The following NUBPL variants were observed in gnomAD, a reference collection of about 807,000 sequenced individuals.
NUBPL encodes NUBP iron-sulfur cluster assembly factor, mitochondrial.
In NUBPL, 31 loss-of-function variants were observed where a neutral mutation model predicts 45.7. The ratio of observed to expected loss-of-function variants is 0.68; its 90% CI spans 0.51 to 0.92. The LOEUF (loss-of-function observed/expected upper bound fraction) is 0.92, where lower values mean the gene tolerates loss of function less well. NUBPL is among the 40% of genes least tolerant of loss of function. The probability of loss-of-function intolerance (pLI) is 0.00; values close to 1 mark genes in which losing one functional copy is unlikely to be tolerated. For synonymous variants in NUBPL, 144 were observed against 140.9 expected (o/e 1.02, Z -0.15); for missense variants, 401 against 398.7 (o/e 1.01, Z -0.05).
Position 31,568,518 on chromosome 14 carries a change from A to G in NUBPL, c.291+3470A>G, listed in dbSNP as rs185864638. ...ATTCTCTGAATCATCAGAATTGTCT[A>G]TTTCAGAAAAATTGGATTCATCAAA... On this transcript the variant is annotated intron_variant, in intron 3 of 10. Coordinates refer to ENST00000281081, the MANE Select transcript of NUBPL (RefSeq NM_025152.3). Among the ~76,000 whole-genome samples, 169 of 152,358 alleles carry G rather than the reference A, an allele frequency of 1.1e-3. No individual in the cohort carries two copies. In the Middle Eastern group the frequency reaches 0.014, roughly 12 times the overall value.
chr14:31,741,191 T>A (rs2038275981), intron 6 of NUBPL, among the ~76,000 whole-genome samples: 1 of 152,186 alleles, frequency 6.6e-6, no homozygotes, highest in Non-Finnish European at 1.5e-5. Context: ...CCAGGCATGA[T>A]GTATGGGTAA....
At chr14:31,771,723 T>C (rs1157915534) in intron 6 of NUBPL, 1 of 174,008 alleles carries the variant, frequency 5.7e-6, no homozygotes, top group African/African-American at 2.4e-5. Flanking sequence ...GTATATACAG[T>C]ATATCTAATG....
At chr14:31,568,080 G>A (rs1000328695) in intron 3 of NUBPL, among the ~76,000 whole-genome samples, 2 of 152,120 alleles carry the variant, frequency 1.3e-5, no homozygotes, top group Admixed American at 1.3e-4. Context: ...TTAGGCAACC[G>A]TATTGAGATA....
At chr14:31,694,541 A>T (rs1309753763) in intron 6 of NUBPL, among the ~76,000 whole-genome samples, 1 of 152,172 alleles carries the variant, frequency 6.6e-6, no homozygotes, top group Non-Finnish European at 1.5e-5. Context: ...TTTATGATGG[A>T]GTATTGCTCT....
chr14:31,755,483 T>G (rs1410594970), intron 6 of NUBPL, among the ~76,000 whole-genome samples: 4 of 152,226 alleles, frequency 2.6e-5, no homozygotes, highest in African/African-American at 7.2e-5. Flanking sequence ...TTTTTTGGCT[T>G]CATAAATGTC....
intron 6 of NUBPL, among the ~76,000 whole-genome samples, chr14:31,745,044 T>TTTTTAA (rs138415624): frequency 7.3e-5 from 11 of 150,568 alleles, no homozygotes; most frequent in South Asian, 2.1e-4. Context: ...TTATTTCTTT[T>TTTTTAA]TTTTTATTTT....
chr14:31,580,238 G>C (rs770984238), intron 3 of NUBPL, among the ~76,000 whole-genome samples: 9 of 152,150 alleles, frequency 5.9e-5, no homozygotes, highest in Admixed American at 1.3e-4. Context: ...TTCTTAAGGA[G>C]TTTAAGTGTA....
intron 3 of NUBPL, among the ~76,000 whole-genome samples, chr14:31,598,307 A>G (rs1446273752): frequency 2.6e-5 from 4 of 152,240 alleles, no homozygotes. Flanking sequence ...GGTAGGTAAC[A>G]TCGAAGATGA....
At chr14:31,848,381 G>A (rs1311551258) in intron 9 of NUBPL, among the ~76,000 whole-genome samples, 1 of 152,220 alleles carries the variant, frequency 6.6e-6, no homozygotes, top group Non-Finnish European at 1.5e-5. Flanking sequence ...CTCTTGGCCA[G>A]TTGAACCTCC....
chr14:31,747,883 C>A (rs1351106199), intron 6 of NUBPL, among the ~76,000 whole-genome samples: 1 of 152,010 alleles, frequency 6.6e-6, no homozygotes, highest in African/African-American at 2.4e-5. Flanking sequence ...CCTTGAGGTA[C>A]ATCAATATGT....
intron 7 of NUBPL, among the ~76,000 whole-genome samples, chr14:31,801,656 G>A (rs1426601954): frequency 6.6e-6 from 1 of 152,116 alleles, no homozygotes; most frequent in Non-Finnish European, 1.5e-5. Context: ...AGTTTATTTT[G>A]ATAGGTTAGT....
chr14:31,694,483 G>A (rs2037169586), intron 6 of NUBPL, among the ~76,000 whole-genome samples: 1 of 152,080 alleles, frequency 6.6e-6, no homozygotes, highest in Non-Finnish European at 1.5e-5. Context: ...ATGTCATTGG[G>A]CTTTTTGTCA....
chr14:31,788,358 CTTTCTT>C (rs1052281227), intron 7 of NUBPL, among the ~76,000 whole-genome samples: 10 of 138,556 alleles, frequency 7.2e-5, no homozygotes, highest in African/African-American at 3.5e-4. Context: ...GTGTTGGACT[CTTTCTT>C]TAAGTTCCTG....
At chr14:31,766,928 A>C (rs1205451385) in intron 6 of NUBPL, among the ~76,000 whole-genome samples, 1 of 152,156 alleles carries the variant, frequency 6.6e-6, no homozygotes, top group East Asian at 1.9e-4. Flanking sequence ...AGGAAGAAAG[A>C]GTAGGGAGAA....
intron 7 of NUBPL, among the ~76,000 whole-genome samples, chr14:31,800,625 G>C (rs7141722): frequency 2.0e-5 from 3 of 152,024 alleles, no homozygotes; most frequent in Non-Finnish European, 2.9e-5. Flanking sequence ...GTAAAGTGAA[G>C]TGCAATAAAA....
intron 4 of NUBPL, among the ~76,000 whole-genome samples, chr14:31,667,499 C>A (rs886716603): frequency 5.9e-5 from 9 of 151,930 alleles, no homozygotes; most frequent in African/African-American, 1.9e-4. Flanking sequence ...TTAGAACATG[C>A]TCCTTTAGCT....
At chr14:31,764,128 C>T (rs1438654978) in intron 6 of NUBPL, among the ~76,000 whole-genome samples, 1 of 152,174 alleles carries the variant, frequency 6.6e-6, no homozygotes, top group Non-Finnish European at 1.5e-5. Context: ...GCATGGCTTA[C>T]ACCTCAAACT....
chr14:31,761,461 G>A lies in NUBPL; in HGVS notation c.514-26319G>A, dbSNP rs2038807722. Among the ~76,000 whole-genome samples, 4 of 152,166 alleles carry A rather than the reference G, an allele frequency of 2.6e-5. No homozygotes were observed. The South Asian group carries it at 8.3e-4, about 32-fold the overall frequency. On this transcript the variant is annotated intron_variant, in intron 6 of 10. Transcript: ENST00000281081. Reference sequence around the variant, plus strand: ...ACAGAAATATATAAAGTAAAAGAGTGAAGGCGTCCCACCCCTGGCCTTGCC... The same window carrying A: ...ACAGAAATATATAAAGTAAAAGAGTAAAGGCGTCCCACCCCTGGCCTTGCC...
At chr14:31,613,463 T>G (rs574612732) in intron 4 of NUBPL, among the ~76,000 whole-genome samples, 1 of 152,124 alleles carries the variant, frequency 6.6e-6, no homozygotes, top group Non-Finnish European at 1.5e-5. Flanking sequence ...TGGATTTTTT[T>G]TTTTTTGAGG....
Sources: gnomAD v4.1 joint callset for allele counts (sites outside exome capture counted in the v4.1 genomes callset) on GRCh38, gnomAD v4.1.1 for gene constraint, MANE v1.5 for transcripts, NCBI Gene and HGNC (gene_info 2026-07-23, HGNC 2026-07-21) for gene names.